Variants in PPP1R16B observed in about 807,000 individuals in gnomAD.
PPP1R16B encodes protein phosphatase 1 regulatory subunit 16B.
A neutral mutation model predicts 61.7 loss-of-function variants in PPP1R16B; 14 were observed. The ratio of observed to expected loss-of-function variants is 0.23; its 90% CI spans 0.15 to 0.35. The LOEUF (loss-of-function observed/expected upper bound fraction) is 0.35, where lower values mean the gene tolerates loss of function less well. PPP1R16B is among the 10% of genes least tolerant of loss of function. The pLI is 1.00. For synonymous variants in PPP1R16B, 266 were observed against 305.3 expected, an observed-to-expected ratio of 0.87 and a Z score of 1.34; for missense variants, 547 against 752.5, an observed-to-expected ratio of 0.73 and a Z score of 3.19.
rs2084943047 is a variant in PPP1R16B at position 38,847,588 on chromosome 20, C to A, written c.250+11413C>A. Among the ~76,000 whole-genome samples the A allele has an allele frequency of 2.0e-5, 3 of 152,316 alleles. No homozygotes were observed. The South Asian group carries it at 6.2e-4, about 32-fold the overall frequency. On this transcript the variant is annotated intron_variant, in intron 2 of 10. Coordinates refer to ENST00000299824, the MANE Select transcript of PPP1R16B (RefSeq NM_015568.4). ...GCCAGGCTGGTCTCAAACTCCTGAC[C>A]TCAGGTGATCTGCCTGCCTCAGCCT...
At chr20:38,890,245 C>T (rs182782496) in intron 3 of PPP1R16B, among the ~76,000 whole-genome samples, 11 of 152,348 alleles carry the variant, frequency 7.2e-5, no homozygotes, top group Middle Eastern at 3.4e-3. Context: ...TCTCTGTCCA[C>T]GCAGCAGCCA....
chr20:38,868,168 C>T (rs2085102671), intron 2 of PPP1R16B, among the ~76,000 whole-genome samples: 1 of 152,210 alleles, frequency 6.6e-6, no homozygotes, highest in African/African-American at 2.4e-5. Context: ...AGAGCAAAGG[C>T]TCACTCTGGT....
At chr20:38,851,114 T>G (rs905499815) in intron 2 of PPP1R16B, among the ~76,000 whole-genome samples, 2 of 151,972 alleles carry the variant, frequency 1.3e-5, no homozygotes, top group Non-Finnish European at 2.9e-5. Context: ...CATTGTTATT[T>G]GCAGTTGGTA....
chr20:38,850,025 A>G (rs774430342), intron 2 of PPP1R16B, among the ~76,000 whole-genome samples: 1 of 152,214 alleles, frequency 6.6e-6, no homozygotes, highest in East Asian at 1.9e-4. Flanking sequence ...GGAGAGTTCA[A>G]AGATAGCACA....
chr20:38,915,267 C>G lies in PPP1R16B; in HGVS notation c.1195-2890C>G, dbSNP rs140463771. Reference sequence around the variant, plus strand: ...CGTCATGATAGTGTCACACAGAATGCTCTCGCCACTTGGTTTAGGTGGTTA... The same window carrying G: ...CGTCATGATAGTGTCACACAGAATGGTCTCGCCACTTGGTTTAGGTGGTTA... On this transcript the variant is annotated intron_variant, in intron 10 of 10. Transcript: ENST00000299824. 9.9e-5 allele frequency among the ~76,000 whole-genome samples: 15 copies of G among 152,220 alleles called. 1 individual carries two copies. The East Asian group carries it at 2.9e-3, about 29-fold the overall frequency.
At chr20:38,917,308 A>G (rs1487811157) in intron 10 of PPP1R16B, among the ~76,000 whole-genome samples, 1 of 152,098 alleles carries the variant, frequency 6.6e-6, no homozygotes, top group South Asian at 2.1e-4. Flanking sequence ...AAAAAAAAAA[A>G]AAAGGACTTT....
intron 1 of PPP1R16B, among the ~76,000 whole-genome samples, chr20:38,817,234 G>T (rs968897401): frequency 6.6e-6 from 1 of 152,186 alleles, no homozygotes; most frequent in Non-Finnish European, 1.5e-5. Context: ...AGACTGTTTG[G>T]CACAGGAGAG....
chr20:38,840,520 C>T (rs532096026), intron 2 of PPP1R16B, among the ~76,000 whole-genome samples: 7 of 152,188 alleles, frequency 4.6e-5, no homozygotes, highest in African/African-American at 9.7e-5. Context: ...ATATTCCCTG[C>T]GTTATCTTAC....
intron 4 of PPP1R16B, among the ~76,000 whole-genome samples, chr20:38,900,280 A>G (rs1439978549): frequency 6.6e-6 from 1 of 152,180 alleles, no homozygotes; most frequent in Non-Finnish European, 1.5e-5. Flanking sequence ...GAGGACTTTT[A>G]TATCTGTCCC....
intron 3 of PPP1R16B, among the ~76,000 whole-genome samples, chr20:38,891,148 A>G (rs1028759375): frequency 6.6e-6 from 1 of 152,220 alleles, no homozygotes; most frequent in African/African-American, 2.4e-5. Flanking sequence ...AGCCATGGGC[A>G]TGAGGATCAA....
intron 3 of PPP1R16B, among the ~76,000 whole-genome samples, chr20:38,890,032 C>A (rs1172350964): frequency 6.6e-6 from 1 of 152,184 alleles, no homozygotes; most frequent in Non-Finnish European, 1.5e-5. Flanking sequence ...AGGCAGTTGG[C>A]GGGACTTATG....
Position 38,918,332 on chromosome 20 carries a change from A to T in PPP1R16B, c.1370A>T (p.Tyr457Phe). The stretch of plus-strand genomic sequence containing the variant: ...GAGGTGCCTGACTACAGCATGGCCT[A>T]TGGCAACCCTGGCGTGGCCGACGCC... ...VHEVPDYSMA[Y>F]GNPGVADATP... Residue 457 changes from tyrosine to phenylalanine, a missense_variant, in exon 11 of 11, where the codon TAT becomes TTT. Transcript: ENST00000299824. This position sits in a 1 kb window ranked among gnomAD's most constrained non-coding sequence, Gnocchi z 5.3. 6.2e-7 allele frequency: 1 copy of T among 1,614,184 alleles called. No homozygotes were observed. The highest frequency in any genetic ancestry group is 8.5e-7 in the Non-Finnish European group (1 of 1,180,040).
At chr20:38,834,528 AT>A (rs1157711320) in intron 1 of PPP1R16B, among the ~76,000 whole-genome samples, 7 of 151,654 alleles carry the variant, frequency 4.6e-5, no homozygotes, top group South Asian at 2.1e-4. Flanking sequence ...CAAGGATGTA[AT>A]TTTTTTTTAA....
At chr20:38,893,577 T>TGGGAGTAGGC (rs1568677504) in intron 3 of PPP1R16B, among the ~76,000 whole-genome samples, 1 of 148,974 alleles carries the variant, frequency 6.7e-6, no homozygotes, top group Non-Finnish European at 1.5e-5. Context: ...AGGGAGGAAG[T>TGGGAGTAGGC]GGGAGGAGGC....
chr20:38,891,602 C>T (rs909401294), intron 3 of PPP1R16B, among the ~76,000 whole-genome samples: 14 of 152,206 alleles, frequency 9.2e-5, no homozygotes, highest in Admixed American at 7.9e-4. Context: ...GAGTTCAAGA[C>T]CAGCCTGGCC....
intron 2 of PPP1R16B, 32 bp downstream of exon 2, chr20:38,836,207 G>T: frequency 1.3e-6 from 2 of 1,588,846 alleles, no homozygotes; most frequent in Non-Finnish European, 8.6e-7. Context: ...CGGCCACGCA[G>T]CTGCCTTGGC....
chr20:38,914,342 G>A (rs985933217), intron 10 of PPP1R16B, among the ~76,000 whole-genome samples: 1 of 152,134 alleles, frequency 6.6e-6, no homozygotes, highest in Non-Finnish European at 1.5e-5. Flanking sequence ...TATGGGGAAG[G>A]GTGATTCTGT....
rs917120720 is a variant in PPP1R16B, at chr20:38,841,836, G to A, written c.250+5661G>A. ...CATTTTGTTTATCCATTCACCAGTAGGTGAACGTTTGGATTATTTCTATTT... is the reference window on the plus strand; with the variant it reads ...CATTTTGTTTATCCATTCACCAGTAAGTGAACGTTTGGATTATTTCTATTT... On this transcript the variant is annotated intron_variant, in intron 2 of 10. Coordinates refer to ENST00000299824, the MANE Select transcript of PPP1R16B (RefSeq NM_015568.4). Among the ~76,000 whole-genome samples the A allele has an allele frequency of 3.3e-5, 5 of 152,176 alleles. No individual in the cohort carries two copies. The East Asian group carries it at 5.8e-4, about 18-fold the overall frequency.
chr20:38,843,368 T>C (rs1043974015), intron 2 of PPP1R16B, among the ~76,000 whole-genome samples: 1 of 152,214 alleles, frequency 6.6e-6, no homozygotes, highest in African/African-American at 2.4e-5. Context: ...GTTCAGGATA[T>C]CTCATAAGGT....
Sources: allele counts gnomAD v4.1 joint callset (sites outside exome capture counted in the v4.1 genomes callset), GRCh38; gene constraint gnomAD v4.1.1; non-coding constraint Gnocchi (gnomAD v3.1); transcripts MANE v1.5; gene names NCBI Gene and HGNC (gene_info 2026-07-23, HGNC 2026-07-21).